ANKRD44: variants seen among roughly 807,000 people sequenced by gnomAD.
ANKRD44 encodes ankyrin repeat domain 44, also known as serine/threonine-protein phosphatase 6 regulatory ankyrin repeat subunit B.
ANKRD44 carries 35 observed loss-of-function variants against 116.0 expected under a neutral mutation model. That is an observed-to-expected ratio of 0.30 (90% CI 0.23 to 0.40). ANKRD44 has a LOEUF of 0.40. Among genes scored for constraint, ANKRD44 ranks in the 10% least tolerant of loss-of-function variants. The pLI, the probability that ANKRD44 is intolerant of heterozygous loss-of-function variation, is 1.00. For synonymous variants in ANKRD44, 435 were observed against 461.8 expected, an observed-to-expected ratio of 0.94 and a Z score of 0.74; for missense variants, 1,014 against 1,242.6, an observed-to-expected ratio of 0.82 and a Z score of 2.77.
intron 16 of ANKRD44, among the ~76,000 whole-genome samples, chr2:197,048,522 T>A (rs1033415906): frequency 7.9e-5 from 12 of 152,228 alleles, no homozygotes; most frequent in Non-Finnish European, 1.2e-4. Context: ...CATGAACTCA[T>A]CCTTTTTTAT....
chr2:197,092,706 A>G (rs981916663), intron 10 of ANKRD44, among the ~76,000 whole-genome samples: 2 of 152,110 alleles, frequency 1.3e-5, no homozygotes, highest in Non-Finnish European at 2.9e-5. Flanking sequence ...CTCGCTCATC[A>G]TTTACCAAAA....
intron 3 of ANKRD44, among the ~76,000 whole-genome samples, chr2:197,140,917 T>G (rs2079348472): frequency 6.6e-6 from 1 of 152,194 alleles, no homozygotes; most frequent in African/African-American, 2.4e-5. Context: ...TCAATAAAGC[T>G]GCTTTAAAAA....
intron 1 of ANKRD44, among the ~76,000 whole-genome samples, chr2:197,188,806 T>A (rs978459236): frequency 2.6e-5 from 4 of 152,188 alleles, no homozygotes; most frequent in Non-Finnish European, 5.9e-5. Context: ...GTCGATTAGA[T>A]GACAGCAGTT....
At chr2:197,061,228 T>C (rs1208074309) in intron 16 of ANKRD44, among the ~76,000 whole-genome samples, 1 of 152,162 alleles carries the variant, frequency 6.6e-6, no homozygotes, top group Non-Finnish European at 1.5e-5. Context: ...GGGCTGGCAT[T>C]CCAAACCAGA....
intron 16 of ANKRD44, chr2:197,030,199 G>A (rs2076677989): frequency 6.6e-6 from 1 of 152,420 alleles, no homozygotes; most frequent in South Asian, 2.1e-4. Context: ...CTGTGTTCAA[G>A]CCTGCCTTTC....
intron 18 of ANKRD44, among the ~76,000 whole-genome samples, chr2:197,013,122 C>T (rs1024474083): frequency 1.3e-5 from 2 of 152,278 alleles, no homozygotes; most frequent in Middle Eastern, 3.4e-3. Context: ...GCCCTGAATA[C>T]ATTAATATGA....
chr2:197,100,511 A>G (rs2078268155), intron 9 of ANKRD44, among the ~76,000 whole-genome samples: 1 of 152,248 alleles, frequency 6.6e-6, no homozygotes, highest in Non-Finnish European at 1.5e-5. Flanking sequence ...TAAGAATCCA[A>G]AATCTCACAA....
chr2:197,273,980 A>AAATAT (rs1553546147), intron 1 of ANKRD44, among the ~76,000 whole-genome samples: 6 of 43,910 alleles, frequency 1.4e-4, no homozygotes, highest in African/African-American at 5.1e-4. Flanking sequence ...AAAAAAAAAA[A>AAATAT]ATATATATAT....
At chr2:197,060,028 C>A (rs2077277744) in intron 16 of ANKRD44, among the ~76,000 whole-genome samples, 1 of 152,198 alleles carries the variant, frequency 6.6e-6, no homozygotes, top group Non-Finnish European at 1.5e-5. Context: ...GAATCTCTCA[C>A]TAACTGACCC....
chr2:197,160,168 T>C (rs2079925000), intron 2 of ANKRD44, among the ~76,000 whole-genome samples: 1 of 152,006 alleles, frequency 6.6e-6, no homozygotes, highest in African/African-American at 2.4e-5. Flanking sequence ...GTATGAGCTG[T>C]GTGACTTTGA....
chr2:196,970,709 T>C (rs904242432), intron 21 of ANKRD44, among the ~76,000 whole-genome samples: 1 of 152,090 alleles, frequency 6.6e-6, no homozygotes, highest in African/African-American at 2.4e-5. Flanking sequence ...ATTAAATCAA[T>C]ATTTCTTTTT....
intron 1 of ANKRD44, among the ~76,000 whole-genome samples, chr2:197,224,849 T>C (rs1195701867): frequency 3.3e-5 from 5 of 152,230 alleles, no homozygotes; most frequent in Non-Finnish European, 5.9e-5. Context: ...CAGCATGAGA[T>C]CATTTATTAT....
At chr2:197,246,350 C>CTTTTTGTTTTTT (rs2082190954) in intron 1 of ANKRD44, among the ~76,000 whole-genome samples, 1 of 65,876 alleles carries the variant, frequency 1.5e-5, no homozygotes, top group Admixed American at 2.5e-4. Context: ...CTACATCTGG[C>CTTTTTGTTTTTT]TTTTTTTTTT....
intron 9 of ANKRD44, among the ~76,000 whole-genome samples, chr2:197,106,304 T>C (rs1401774256): frequency 6.6e-6 from 1 of 152,040 alleles, no homozygotes; most frequent in East Asian, 1.9e-4. Flanking sequence ...TAGCCAGGTG[T>C]GGTGGCAAGC....
intron 16 of ANKRD44, among the ~76,000 whole-genome samples, chr2:197,073,424 G>A (rs1051936729): frequency 1.3e-5 from 2 of 152,194 alleles, no homozygotes; most frequent in Non-Finnish European, 2.9e-5. Context: ...CCCCAGGCTA[G>A]CTCTGGCCCT....
chr2:197,136,731 T>C, intron 3 of ANKRD44, 69 bp from the exon 4 acceptor site: 1 of 1,312,510 alleles, frequency 7.6e-7, no homozygotes. Context: ...TTAAATCAAA[T>C]GCTGTATCTT....
At chr2:197,087,590 G>GA (rs2077955482) in intron 12 of ANKRD44, among the ~76,000 whole-genome samples, 1 of 152,146 alleles carries the variant, frequency 6.6e-6, no homozygotes, top group South Asian at 2.1e-4. Context: ...ACTTAAATAA[G>GA]AAAAATGATC....
At chr2:197,228,274 T>C (rs940906180) in intron 1 of ANKRD44, among the ~76,000 whole-genome samples, 5 of 152,252 alleles carry the variant, frequency 3.3e-5, no homozygotes, top group African/African-American at 1.2e-4. Flanking sequence ...TTGTCATTAC[T>C]TCCCCTACCT....
chr2:197,271,060 T>G (rs1271982481), intron 1 of ANKRD44, among the ~76,000 whole-genome samples: 3 of 152,242 alleles, frequency 2.0e-5, no homozygotes, highest in African/African-American at 7.2e-5. Flanking sequence ...AATGCTCTGC[T>G]ACTGCCATCT....
Sources: gnomAD v4.1 joint callset for allele counts (sites outside exome capture counted in the v4.1 genomes callset) on GRCh38, gnomAD v4.1.1 for gene constraint, MANE v1.5 for transcripts, NCBI Gene and HGNC (gene_info 2026-07-23, HGNC 2026-07-21) for gene names.